EPS8: variants seen among roughly 807,000 people sequenced by gnomAD.
The protein encoded by EPS8 is epidermal growth factor receptor kinase substrate 8.
EPS8 carries 42 observed loss-of-function variants against 103.8 expected under a neutral mutation model. The ratio of observed to expected loss-of-function variants is 0.40; its 90% CI spans 0.32 to 0.52. The LOEUF (loss-of-function observed/expected upper bound fraction) is 0.52, where lower values mean the gene tolerates loss of function less well. EPS8 is among the 20% of genes least tolerant of loss of function. The pLI is 0.40. For missense variants in EPS8, 969 were observed against 1,005.1 expected, an observed-to-expected ratio of 0.96 and a Z score of 0.49; for synonymous variants, 344 against 344.6, an observed-to-expected ratio of 1.00 and a Z score of 0.02.
rs185019537 is a variant in EPS8, at chr12:15,712,929, G to C, written c.-21-29957C>G. 42 of 985,280 alleles carry C rather than the reference G, an allele frequency of 4.3e-5. No homozygotes were observed. The Admixed American group carries it at 2.5e-3, about 58-fold the overall frequency. 61.0% of individuals were successfully genotyped at this position (985,280 alleles called of 1,614,324 possible). ...AGGCCATTCCACTCAGTTTACTTATGTGCCAAGTGACCTTTGGCACAACGT... is the reference window on the plus strand; with the variant it reads ...AGGCCATTCCACTCAGTTTACTTATCTGCCAAGTGACCTTTGGCACAACGT... On this transcript the variant is annotated intron_variant, in intron 1 of 20. Coordinates refer to ENST00000281172, the MANE Select transcript of EPS8 (RefSeq NM_004447.6).
Position 15,771,627 on chromosome 12 carries a change from G to A in EPS8, c.-22+17534C>T, listed in dbSNP as rs1947155235. On this transcript the variant is annotated intron_variant, in intron 1 of 20. Coordinates refer to ENST00000281172, the MANE Select transcript of EPS8 (RefSeq NM_004447.6). This position sits in a 1 kb window ranked among gnomAD's most constrained non-coding sequence, Gnocchi z 4.6. The stretch of plus-strand genomic sequence containing the variant: ...CATATGGCAGGTAAAGGAGAAGGGG[G>A]GTCATGGATGTGTTCTTCTAATGGG... Among the ~76,000 whole-genome samples the A allele has an allele frequency of 6.6e-6, 1 of 151,966 alleles. No homozygotes were observed. Among genetic ancestry groups the A allele is most frequent in the Non-Finnish European group, 1.5e-5 (1 of 67,994 alleles).
chr12:15,729,059 A>G (rs1397930146), intron 1 of EPS8, among the ~76,000 whole-genome samples: 1 of 152,164 alleles, frequency 6.6e-6, no homozygotes, highest in Non-Finnish European at 1.5e-5. Context: ...AATACTTTAC[A>G]TACTTCATTC....
intron 20 of EPS8, 126 bp from the exon 21 acceptor site, chr12:15,621,556 G>A: frequency 3.4e-6 from 2 of 581,368 alleles, no homozygotes; most frequent in Non-Finnish European, 6.0e-6. Flanking sequence ...AAAGCTAACA[G>A]CTCTACTTTT....
Position 15,725,609 on chromosome 12 carries a change from C to G in EPS8, c.-21-42637G>C, listed in dbSNP as rs1009686417. Reference sequence around the variant, plus strand: ...TCTAAAATACGGTGACACAATGGGTCTTCATCATATGGTGATTCACTCACC... The same window carrying G: ...TCTAAAATACGGTGACACAATGGGTGTTCATCATATGGTGATTCACTCACC... On this transcript the variant is annotated intron_variant, in intron 1 of 20. Coordinates refer to ENST00000281172, the MANE Select transcript of EPS8 (RefSeq NM_004447.6). This position sits in a 1 kb window ranked among gnomAD's most constrained non-coding sequence, Gnocchi z 4.5. Among the ~76,000 whole-genome samples the G allele has an allele frequency of 2.0e-5, 3 of 152,038 alleles. No individual in the cohort carries two copies. Among genetic ancestry groups the G allele is most frequent in the Non-Finnish European group, 4.4e-5 (3 of 68,018 alleles).
In EPS8 at chr12:15,764,613, A is replaced by G. The variant is rs1382299822; in HGVS notation, c.-22+24548T>C. Among the ~76,000 whole-genome samples the G allele has an allele frequency of 6.6e-6, 1 of 152,210 alleles. No individual in the cohort carries two copies. Among genetic ancestry groups the G allele is most frequent in the Non-Finnish European group, 1.5e-5 (1 of 68,036 alleles). ...CAGGGCTTGATGAAACTTCAACCAGATAAAGTAATGTCTGAACCTCTGAAG... is the reference window on the plus strand; with the variant it reads ...CAGGGCTTGATGAAACTTCAACCAGGTAAAGTAATGTCTGAACCTCTGAAG... On this transcript the variant is annotated intron_variant, in intron 1 of 20. Transcript: ENST00000281172. This position sits in a 1 kb window ranked among gnomAD's most constrained non-coding sequence, Gnocchi z 4.1.
At chr12:15,754,784 A>G (rs1946968941) in intron 1 of EPS8, among the ~76,000 whole-genome samples, 1 of 152,212 alleles carries the variant, frequency 6.6e-6, no homozygotes, top group Non-Finnish European at 1.5e-5. Flanking sequence ...GAACAACAAT[A>G]TTAGCTCTCT....
chr12:15,705,433 G>C (rs1946372613), intron 1 of EPS8, among the ~76,000 whole-genome samples: 1 of 151,874 alleles, frequency 6.6e-6, no homozygotes. Flanking sequence ...ATATAAGTTT[G>C]GGTAAAACAT....
chr12:15,684,416 A>G lies in EPS8; in HGVS notation c.-21-1444T>C, dbSNP rs2135894739. The G allele has an allele frequency of 6.6e-6, 1 of 152,296 alleles. No homozygotes were observed. Among genetic ancestry groups the G allele is most frequent in the Non-Finnish European group, 1.5e-5 (1 of 68,020 alleles). The allele number at this position is 152,296 out of a possible 1,614,324, so 9.4% of individuals were successfully genotyped here. Reference sequence around the variant, plus strand: ...TTAAATTAATACCTGACTCTTCACTAAACTCTTAGCCCCCAAAAGGCTTGA... The same window carrying G: ...TTAAATTAATACCTGACTCTTCACTGAACTCTTAGCCCCCAAAAGGCTTGA... On this transcript the variant is annotated intron_variant, in intron 1 of 20. Transcript: ENST00000281172. The surrounding 1 kb of genome is among the most constrained non-coding windows in gnomAD (Gnocchi z 4.9).
Position 15,720,711 on chromosome 12 carries a change from C to T in EPS8, c.-21-37739G>A, listed in dbSNP as rs181096399. Among the ~76,000 whole-genome samples the T allele has an allele frequency of 2.4e-3, 366 of 152,230 alleles. 1 individual carries two copies. The highest frequency in any genetic ancestry group is 8.3e-3 in the African/African-American group (344 of 41,542). On this transcript the variant is annotated intron_variant, in intron 1 of 20. Transcript: ENST00000281172. ...CTAAAAGCCCTTTTAGGATCTGTCC[C>T]CTGCCTCACTTTTCAGTTTTGTCTC...
chr12:15,721,715 GCA>G lies in EPS8; in HGVS notation c.-21-38745_-21-38744del, dbSNP rs1484393745. ...TCCTGAAAACTTAAAAGTAATAAAAGCACACTTTACTACAACAAATAGAAATA... is the reference window on the plus strand; with the variant it reads ...TCCTGAAAACTTAAAAGTAATAAAAGCACTTTACTACAACAAATAGAAATA... On this transcript the variant is annotated intron_variant, in intron 1 of 20. Coordinates refer to ENST00000281172, the MANE Select transcript of EPS8 (RefSeq NM_004447.6). The surrounding 1 kb of genome is among the most constrained non-coding windows in gnomAD (Gnocchi z 4.4). Among the ~76,000 whole-genome samples the G allele has an allele frequency of 6.6e-6, 1 of 152,054 alleles. No homozygotes were observed. The highest frequency in any genetic ancestry group is 1.5e-5 in the Non-Finnish European group (1 of 67,998).
chr12:15,697,184 T>C lies in EPS8; in HGVS notation c.-21-14212A>G, dbSNP rs1337088737. ...CCTATAGACTGAAGAAGGGAAAACT[T>C]GAGGGACAAGCACAAACTGATTAAA... On this transcript the variant is annotated intron_variant, in intron 1 of 20. Transcript: ENST00000281172. This position sits in a 1 kb window ranked among gnomAD's most constrained non-coding sequence, Gnocchi z 5.6. 6.6e-6 allele frequency among the ~76,000 whole-genome samples: 1 copy of C among 151,900 alleles called. No individual in the cohort carries two copies. Among genetic ancestry groups the C allele is most frequent in the African/African-American group, 2.4e-5 (1 of 41,328 alleles).
At position 15,785,742 on chromosome 12, in the gene EPS8, G is replaced by A. The variant is rs1947304511; in HGVS notation, c.-22+3419C>T. 6.6e-6 allele frequency among the ~76,000 whole-genome samples: 1 copy of A among 151,990 alleles called. No individual in the cohort carries two copies. The highest frequency in any genetic ancestry group is 2.4e-5 in the African/African-American group (1 of 41,382). On this transcript the variant is annotated intron_variant, in intron 1 of 20. Coordinates refer to ENST00000281172, the MANE Select transcript of EPS8 (RefSeq NM_004447.6). This position sits in a 1 kb window ranked among gnomAD's most constrained non-coding sequence, Gnocchi z 4.9. Reference sequence around the variant, plus strand: ...ATGACTGATTCTAGGACTGTGGCAAGATGTATACAGATGAACCTAGAGCAT... The same window carrying A: ...ATGACTGATTCTAGGACTGTGGCAAAATGTATACAGATGAACCTAGAGCAT...
chr12:15,625,200 C>T (rs1427808176), intron 18 of EPS8, among the ~76,000 whole-genome samples: 1 of 152,172 alleles, frequency 6.6e-6, no homozygotes, highest in Non-Finnish European at 1.5e-5. Flanking sequence ...TATGTTCTGC[C>T]TGCCTTCCTA....
intron 7 of EPS8, 76 bp downstream of exon 7, chr12:15,666,364 A>G (rs1010210053): frequency 1.9e-6 from 2 of 1,076,184 alleles, no homozygotes; most frequent in Non-Finnish European, 2.8e-6. Context: ...ATAGAAAATA[A>G]TTTTTCTAAC....
At position 15,684,804 on chromosome 12, in the gene EPS8, C is replaced by A. The variant is rs73315054; in HGVS notation, c.-21-1832G>T. On this transcript the variant is annotated intron_variant, in intron 1 of 20. Transcript: ENST00000281172. The surrounding 1 kb of genome is among the most constrained non-coding windows in gnomAD (Gnocchi z 4.9). The stretch of plus-strand genomic sequence containing the variant: ...CTTTCCTATCCACTGCTTAAAAGCA[C>A]ATTTATAAATTAAGAAGCAAAGAAA... Among the ~76,000 whole-genome samples the A allele has an allele frequency of 0.081, 12,301 of 152,222 alleles. 1,618 individuals carry two copies. Among genetic ancestry groups the A allele is most frequent in the African/African-American group, 0.27 (11,113 of 41,488 alleles).
At chr12:15,742,921 G>T (rs1276833180) in intron 1 of EPS8, among the ~76,000 whole-genome samples, 1 of 152,134 alleles carries the variant, frequency 6.6e-6, no homozygotes, top group African/African-American at 2.4e-5. Flanking sequence ...GGGCAATGAG[G>T]CACGAGAAAG....
chr12:15,730,067 T>C (rs1336366165), intron 1 of EPS8, among the ~76,000 whole-genome samples: 3 of 152,142 alleles, frequency 2.0e-5, no homozygotes, highest in Non-Finnish European at 4.4e-5. Context: ...GCTTCTGAAG[T>C]CCATCGTCAC....
At chr12:15,628,642 G>A (rs1944990622) in intron 18 of EPS8, among the ~76,000 whole-genome samples, 1 of 152,162 alleles carries the variant, frequency 6.6e-6, no homozygotes, top group Non-Finnish European at 1.5e-5. Flanking sequence ...TTTTGAATAG[G>A]CAACACACAG....
rs73315016 is a variant in EPS8 at position 15,660,979 on chromosome 12, T to C, written c.811-239A>G. On this transcript the variant is annotated intron_variant, in intron 9 of 20. Coordinates refer to ENST00000281172, the MANE Select transcript of EPS8 (RefSeq NM_004447.6). ...AATGTCATCAAGGAAGCATTCACAA[T>C]ATCTGCTCAGATTATTATTTTCAAT... is the stretch of plus-strand genomic sequence containing the variant. Among the ~76,000 whole-genome samples, 10,363 of 152,246 alleles carry C rather than the reference T, an allele frequency of 0.068. 728 individuals are homozygous for C. Among genetic ancestry groups the C allele is most frequent in the African/African-American group, 0.18 (7,680 of 41,524 alleles).
Sources: allele counts gnomAD v4.1 joint callset (sites outside exome capture counted in the v4.1 genomes callset), GRCh38; gene constraint gnomAD v4.1.1; non-coding constraint Gnocchi (gnomAD v3.1); transcripts MANE v1.5; gene names NCBI Gene and HGNC (gene_info 2026-07-23, HGNC 2026-07-21).